Variants in SH3RF3 observed in about 807,000 individuals in gnomAD.
The protein encoded by SH3RF3 is E3 ubiquitin-protein ligase SH3RF3.
A neutral mutation model predicts 66.3 loss-of-function variants in SH3RF3; 29 were observed. The observed-to-expected ratio is 0.44, with a 90% CI of 0.33 to 0.60. The LOEUF is 0.60. Among genes scored for constraint, SH3RF3 ranks in the 20% least tolerant of loss-of-function variants. The pLI, the probability that SH3RF3 is intolerant of heterozygous loss-of-function variation, is 0.04. For missense variants in SH3RF3, 1,194 were observed against 1,190.9 expected, an observed-to-expected ratio of 1.00 and a Z score of -0.04; for synonymous variants, 583 against 532.0, an observed-to-expected ratio of 1.10 and a Z score of -1.32.
At chr2:109,471,716 T>A (rs766652536) in intron 8 of SH3RF3, among the ~76,000 whole-genome samples, 13 of 152,188 alleles carry the variant, frequency 8.5e-5, no homozygotes, top group Non-Finnish European at 1.8e-4. Flanking sequence ...CTCACCCCCT[T>A]GCTGTCTCAG....
In SH3RF3 at chr2:109,504,160, C is replaced by T. The variant is rs1477309178; in HGVS notation, c.*2489C>T. The T allele has an allele frequency of 6.6e-6, 1 of 152,238 alleles. No individual in the cohort carries two copies. The highest frequency in any genetic ancestry group is 1.5e-5 in the Non-Finnish European group (1 of 68,052). The allele number at this position is 152,238 out of a possible 1,614,324, so 9.4% of individuals were successfully genotyped here. A position where few individuals can be genotyped will look rare whatever the true frequency, so the allele number is the denominator to read the frequency against. Reference sequence around the variant, plus strand: ...AGCAGAATTAGCCCTTTCTTCAGGCCATCTTGCCTCAAAGGGTACACATGT... The same window carrying T: ...AGCAGAATTAGCCCTTTCTTCAGGCTATCTTGCCTCAAAGGGTACACATGT... On this transcript the variant is annotated 3_prime_UTR_variant, in exon 10 of 10. Transcript: ENST00000309415.
rs190258287 is a variant in SH3RF3 at position 109,234,954 on chromosome 2, C to T, written c.573+104841C>T. ...AGTTGTTGTATGAGTGTCCTAACCT[C>T]AGCACCTGTTGTCACCAGATCCCAA... On this transcript the variant is annotated intron_variant, in intron 1 of 9. Coordinates refer to ENST00000309415, the MANE Select transcript of SH3RF3 (RefSeq NM_001099289.3). 2.8e-4 allele frequency among the ~76,000 whole-genome samples: 42 copies of T among 152,326 alleles called. No homozygotes were observed. In the East Asian group the frequency reaches 7.1e-3, roughly 26 times the overall value.
chr2:109,454,073 A>G (rs372561139), intron 8 of SH3RF3, among the ~76,000 whole-genome samples: 2 of 152,348 alleles, frequency 1.3e-5, no homozygotes, highest in South Asian at 2.1e-4. Flanking sequence ...TATAATAATC[A>G]TATCATATAA....
At chr2:109,135,248 G>C (rs1045482336) in intron 1 of SH3RF3, among the ~76,000 whole-genome samples, 2 of 152,330 alleles carry the variant, frequency 1.3e-5, no homozygotes, top group Middle Eastern at 3.4e-3. Context: ...TCCCAGGCTG[G>C]TGTCTGAAGC....
chr2:109,129,795 C>T lies in SH3RF3; in HGVS notation c.255C>T (p.Ile85=). The part of the protein sequence containing the change: ...HTFCRRCLES[I]VCSRHELRCP... ...TCTGCCGCCGCTGCCTGGAGAGCAT[C>T]GTGTGCTCGCGCCACGAGCTGCGCT... Residue 85 remains isoleucine, a synonymous_variant, in exon 1 of 10, where the codon ATC becomes ATT. Transcript: ENST00000309415. The T allele has an allele frequency of 1.3e-6, 2 of 1,538,854 alleles. No homozygotes were observed. The highest frequency in any genetic ancestry group is 2.5e-5 in the East Asian group (1 of 40,666).
intron 1 of SH3RF3, among the ~76,000 whole-genome samples, chr2:109,210,606 C>T (rs942469194): frequency 3.9e-5 from 6 of 152,106 alleles, no homozygotes; most frequent in African/African-American, 9.7e-5. Flanking sequence ...TTGTGTCCAG[C>T]TCAGGGAAGT....
At chr2:109,358,486 A>G (rs2105613559) in intron 2 of SH3RF3, among the ~76,000 whole-genome samples, 1 of 152,294 alleles carries the variant, frequency 6.6e-6, no homozygotes, top group South Asian at 2.1e-4. Flanking sequence ...CTGTGTTCCA[A>G]AGTTGCTGGG....
Position 109,155,179 on chromosome 2 carries a change from A to G in SH3RF3, c.573+25066A>G, listed in dbSNP as rs148215572. Among the ~76,000 whole-genome samples the G allele has an allele frequency of 2.2e-4, 34 of 152,230 alleles. No individual in the cohort carries two copies. In the East Asian group the frequency reaches 6.4e-3, roughly 29 times the overall value. On this transcript the variant is annotated intron_variant, in intron 1 of 9. Transcript: ENST00000309415. ...GGTGTTCGGCATTTTGCAAACTACA[A>G]CTTGCTATGCTGATGTTCAGTGGTG...
intron 1 of SH3RF3, among the ~76,000 whole-genome samples, chr2:109,152,041 C>T (rs866095385): frequency 5.3e-5 from 8 of 152,368 alleles, no homozygotes; most frequent in Middle Eastern, 6.8e-3. Context: ...GTTATTACTT[C>T]TCTGACAAGT....
At chr2:109,446,651 G>T (rs1264549860) in intron 7 of SH3RF3, among the ~76,000 whole-genome samples, 2 of 152,184 alleles carry the variant, frequency 1.3e-5, no homozygotes, top group Non-Finnish European at 2.9e-5. Flanking sequence ...AGGGGTGCTG[G>T]CACTGTGCCT....
chr2:109,431,598 T>C (rs894589587), intron 5 of SH3RF3, among the ~76,000 whole-genome samples: 1 of 152,186 alleles, frequency 6.6e-6, no homozygotes. Flanking sequence ...AAATAAGACT[T>C]AAAATTAAGG....
At chr2:109,419,085 C>T (rs1261090363) in intron 4 of SH3RF3, among the ~76,000 whole-genome samples, 1 of 152,226 alleles carries the variant, frequency 6.6e-6, no homozygotes, top group Non-Finnish European at 1.5e-5. Flanking sequence ...TCTTGGCCTG[C>T]TGCTCTGTCT....
rs748583936 is a variant in SH3RF3, at chr2:109,398,717, G to C, written c.1073G>C (p.Ser358Thr). Residue 358 changes from serine to threonine, a missense_variant, in exon 4 of 10, where the codon AGC becomes ACC. Ser to Thr is a moderately conservative substitution (Grantham distance 58). Transcript: ENST00000309415. The part of the protein sequence containing the change: ...VASVAPSPTL[S>T]SSGAVSAFQR... ...AGCGTGGCCCCAAGTCCCACTTTAA[G>C]CAGCTCAGGGGCGGTCAGTGCCTTT... 5 of 1,612,960 alleles carry C rather than the reference G, an allele frequency of 3.1e-6. No individual in the cohort carries two copies. Among genetic ancestry groups the C allele is most frequent in the Non-Finnish European group, 4.2e-6 (5 of 1,179,556 alleles).
intron 1 of SH3RF3, among the ~76,000 whole-genome samples, chr2:109,289,690 G>A (rs1467266005): frequency 6.6e-6 from 1 of 152,140 alleles, no homozygotes; most frequent in East Asian, 1.9e-4. Context: ...GCACTTCATA[G>A]CATAGAAGAT....
intron 1 of SH3RF3, among the ~76,000 whole-genome samples, chr2:109,248,839 CT>C: frequency 6.8e-6 from 1 of 146,712 alleles, no homozygotes; most frequent in East Asian, 2.0e-4. Flanking sequence ...CTCTTTTCTC[CT>C]TTTCGTTTTC....
chr2:109,484,789 C>T (rs1346216370), intron 8 of SH3RF3, among the ~76,000 whole-genome samples: 4 of 152,204 alleles, frequency 2.6e-5, no homozygotes, highest in Admixed American at 2.6e-4. Flanking sequence ...CTGGTATCAA[C>T]AGTCGAGGCC....
At chr2:109,176,291 T>A (rs920825997) in intron 1 of SH3RF3, among the ~76,000 whole-genome samples, 1 of 152,244 alleles carries the variant, frequency 6.6e-6, no homozygotes, top group Admixed American at 6.5e-5. Flanking sequence ...AGGAAGCCAA[T>A]TAATTGAAAG....
rs545262243 is a variant in SH3RF3, at chr2:109,451,282, G to A, written c.2148+1793G>A. ...TCTTGAATCTGTTCCCTTCTACCCT[G>A]CAGCCCTTGTTATGAGATGTGGCTG... On this transcript the variant is annotated intron_variant, in intron 8 of 9. Transcript: ENST00000309415. Among the ~76,000 whole-genome samples, 62 of 152,332 alleles carry A rather than the reference G, an allele frequency of 4.1e-4. No homozygotes were observed. The South Asian group carries it at 7.9e-3, about 19-fold the overall frequency.
chr2:109,205,261 CTTTTTTTT>C (rs34792138), intron 1 of SH3RF3, among the ~76,000 whole-genome samples: 1 of 135,942 alleles, frequency 7.4e-6, no homozygotes, highest in East Asian at 2.1e-4. Flanking sequence ...ACTTATGTGA[CTTTTTTTT>C]TTTTTTTTTT....
Sources: allele counts gnomAD v4.1 joint callset (sites outside exome capture counted in the v4.1 genomes callset), GRCh38; gene constraint gnomAD v4.1.1; transcripts MANE v1.5; gene names NCBI Gene and HGNC (gene_info 2026-07-23, HGNC 2026-07-21).